Variants in ARPC4 observed in about 807,000 individuals in gnomAD.
ARPC4 encodes the protein actin-related protein 2/3 complex subunit 4.
In ARPC4, 3 loss-of-function variants were observed where a neutral mutation model predicts 22.8. That is an observed-to-expected ratio of 0.13 (90% confidence interval 0.06 to 0.34). The LOEUF (loss-of-function observed/expected upper bound fraction) is 0.34, where lower values mean the gene tolerates loss of function less well. Among genes scored for constraint, ARPC4 ranks in the 10% least tolerant of loss-of-function variants. ARPC4 has a pLI of 1.00. For synonymous variants in ARPC4, 80 were observed against 72.5 expected (o/e 1.10, Z -0.52); for missense variants, 98 against 211.0 (o/e 0.46, Z 3.32).
chr3:9,796,944 A>AT (rs2078907616), intron 1 of ARPC4, among the ~76,000 whole-genome samples: 1 of 151,232 alleles, frequency 6.6e-6, no homozygotes, highest in African/African-American at 2.4e-5. Flanking sequence ...CTGTCTCAAA[A>AT]AAAAAAAAAA....
chr3:9,794,282 G>A (rs1037618602), intron 1 of ARPC4, among the ~76,000 whole-genome samples: 6 of 152,068 alleles, frequency 3.9e-5, no homozygotes, highest in Admixed American at 6.6e-5. Context: ...GGCGGATCAC[G>A]ACGTCAGGAG....
At chr3:9,797,825 G>A in intron 2 of ARPC4, 48 bp downstream of exon 2, 2 of 1,579,830 alleles carry the variant, frequency 1.3e-6, no homozygotes, top group Non-Finnish European at 1.7e-6. Flanking sequence ...AGCACACAGA[G>A]ATGGCTGCTG....
At chr3:9,803,257 A>G (rs564720912) in intron 4 of ARPC4, among the ~76,000 whole-genome samples, 1 of 152,308 alleles carries the variant, frequency 6.6e-6, no homozygotes, top group African/African-American at 2.4e-5. Context: ...AATCTTCTCC[A>G]CAGACTCCTT....
At chr3:9,802,674 C>CT (rs540000952) in intron 4 of ARPC4, among the ~76,000 whole-genome samples, 5,473 of 56,294 alleles carry the variant, frequency 0.097, 369 homozygotes, top group Admixed American at 0.26. Context: ...CGCGCCTGGC[C>CT]TTTTTTTTTC....
At chr3:9,795,726 A>C (rs370585883) in intron 1 of ARPC4, among the ~76,000 whole-genome samples, 1 of 152,358 alleles carries the variant, frequency 6.6e-6, no homozygotes, top group East Asian at 1.9e-4. Context: ...GTTGGAGGCT[A>C]TATAGCTGTG....
At chr3:9,802,211 C>T (rs1348391249) in intron 4 of ARPC4, among the ~76,000 whole-genome samples, 1 of 128,518 alleles carries the variant, frequency 7.8e-6, no homozygotes, top group East Asian at 2.4e-4. Flanking sequence ...GTACTGCAGC[C>T]TGGGCGACAG....
At chr3:9,797,572 C>G in intron 1 of ARPC4, 87 bp from the exon 2 acceptor site, 1 of 1,469,906 alleles carries the variant, frequency 6.8e-7, no homozygotes, top group African/African-American at 1.4e-5. Context: ...TCAGTGCTAC[C>G]TGGCTTCATG....
chr3:9,793,085 TCC>T lies in ARPC4; in HGVS notation c.-36_-35del. ...GGCAGGCATCGCGGGGCTGGCCACT[TCC>T]GTACTTCCGCTTTCCGGCCCAGCCA... On this transcript the variant is annotated 5_prime_UTR_variant, in exon 1 of 6. Coordinates refer to ENST00000397261, the MANE Select transcript of ARPC4 (RefSeq NM_005718.5). The T allele has an allele frequency of 6.5e-7, 1 of 1,546,014 alleles. No individual in the cohort carries two copies. The highest frequency in any genetic ancestry group is 8.7e-7 in the Non-Finnish European group (1 of 1,145,702).
chr3:9,793,254 A>C, intron 1 of ARPC4, 130 bp downstream of exon 1: 4 of 1,264,264 alleles, frequency 3.2e-6, no homozygotes, highest in Non-Finnish European at 3.1e-6. Flanking sequence ...GGACACGATG[A>C]GGGTGGGAAA....
chr3:9,804,098 T>A, intron 5 of ARPC4, 85 bp downstream of exon 5: 1 of 1,493,816 alleles, frequency 6.7e-7, no homozygotes, highest in Non-Finnish European at 9.1e-7. Context: ...GGGAAAGGGG[T>A]CCAAGCAGTG....
chr3:9,802,237 C>CAAAAA (rs1159841703), intron 4 of ARPC4, among the ~76,000 whole-genome samples: 5 of 50,270 alleles, frequency 9.9e-5, no homozygotes, highest in Admixed American at 6.3e-4. Context: ...GACTCCGTCT[C>CAAAAA]AAAAAAAAAA....
chr3:9,800,132 C>G, intron 2 of ARPC4, 53 bp from the exon 3 acceptor site: 1 of 1,590,440 alleles, frequency 6.3e-7, no homozygotes, highest in East Asian at 2.2e-5. Context: ...TGGGGTCACT[C>G]TGACTATTCT....
At chr3:9,801,037 C>G (rs978023613) in intron 3 of ARPC4, among the ~76,000 whole-genome samples, 1 of 151,388 alleles carries the variant, frequency 6.6e-6, no homozygotes, top group Non-Finnish European at 1.5e-5. Context: ...ATGGTAAAAC[C>G]CTGTCTCTAC....
rs1353776438 is a variant in ARPC4 at position 9,806,500 on chromosome 3, A to T, written c.*285A>T. ...AACTTAAACTCTGTGCTTGTAGGAT[A>T]CTGTAACCTTTTTGTCTTTTTTTTT... On this transcript the variant is annotated 3_prime_UTR_variant, in exon 6 of 6. Transcript: ENST00000397261. 2 of 472,042 alleles carry T rather than the reference A, an allele frequency of 4.2e-6. No homozygotes were observed. Among genetic ancestry groups the T allele is most frequent in the Non-Finnish European group, 7.5e-6 (2 of 267,220 alleles). 29.2% of individuals were successfully genotyped at this position (472,042 alleles called of 1,614,324 possible).
intron 1 of ARPC4, among the ~76,000 whole-genome samples, chr3:9,795,751 G>A (rs950912232): frequency 6.6e-6 from 1 of 152,136 alleles, no homozygotes; most frequent in Non-Finnish European, 1.5e-5. Flanking sequence ...AAATAGATAT[G>A]GTCTGTTGAC....
In ARPC4 at chr3:9,806,225, C is replaced by A. The variant is rs1179949095; in HGVS notation, c.*10C>A. On this transcript the variant is annotated 3_prime_UTR_variant, in exon 6 of 6. Transcript: ENST00000397261. ...CTCTTGACAGTTTTAAACCATCTGG[C>A]TGGATCTCGTGGCCTTCCCCCTCAG... is the stretch of plus-strand genomic sequence containing the variant. 6.2e-7 allele frequency: 1 copy of A among 1,613,870 alleles called. No homozygotes were observed. Among genetic ancestry groups the A allele is most frequent in the East Asian group, 2.2e-5 (1 of 44,882 alleles).
chr3:9,802,566 G>A (rs1276985251), intron 4 of ARPC4, among the ~76,000 whole-genome samples: 7 of 151,238 alleles, frequency 4.6e-5, no homozygotes, highest in East Asian at 4.0e-4. Flanking sequence ...TAGTAGAGAC[G>A]GGGTTTCACC....
chr3:9,805,699 C>G (rs866078464), intron 5 of ARPC4, among the ~76,000 whole-genome samples: 10 of 152,372 alleles, frequency 6.6e-5, no homozygotes, highest in Middle Eastern at 6.8e-3. Context: ...GGTTCACAAC[C>G]TTTGGTCTCT....
intron 3 of ARPC4, 25 bp downstream of exon 3, chr3:9,800,321 A>G (rs980353530): frequency 6.2e-6 from 10 of 1,608,752 alleles, no homozygotes; most frequent in Non-Finnish European, 8.5e-6. Flanking sequence ...GAGGAGGCCC[A>G]ACGTAAGGCC....
Sources: gnomAD v4.1 joint callset for allele counts (sites outside exome capture counted in the v4.1 genomes callset) on GRCh38, gnomAD v4.1.1 for gene constraint, MANE v1.5 for transcripts, NCBI Gene and HGNC (gene_info 2026-07-23, HGNC 2026-07-21) for gene names.